The following HNRNPR variants were observed in gnomAD, a reference collection of about 807,000 sequenced individuals.
HNRNPR encodes heterogeneous nuclear ribonucleoprotein R.
In HNRNPR, 4 loss-of-function variants were observed where a neutral mutation model predicts 70.3. The ratio of observed to expected loss-of-function variants is 0.06; its 90% CI spans 0.03 to 0.13. The LOEUF (loss-of-function observed/expected upper bound fraction) is 0.13. HNRNPR is among the 10% of genes least tolerant of loss of function. The pLI, the probability that HNRNPR is intolerant of heterozygous loss-of-function variation, is 1.00. For missense variants in HNRNPR, 423 were observed against 788.5 expected (o/e 0.54, Z 5.55); for synonymous variants, 241 against 267.6 (o/e 0.90, Z 0.97).
rs1029665230 is a variant in HNRNPR, at chr1:23,338,613, A to G, written c.158-5T>C. On this transcript the variant is annotated splice_polypyrimidine_tract_variant and splice_region_variant and intron_variant, in intron 2 of 10. Coordinates refer to ENST00000302271, the MANE Select transcript of HNRNPR (RefSeq NM_005826.5). ...GATCGACATAAGCTACCAATCCTAA[A>G]AATTAAATTGAAAGGGGTAACGTTA... 1 of 1,492,538 alleles carries G rather than the reference A, an allele frequency of 6.7e-7. No homozygotes were observed. The highest frequency in any genetic ancestry group is 9.2e-7 in the Non-Finnish European group (1 of 1,085,490). The allele number at this position is 1,492,538 out of a possible 1,614,324, so 92.5% of individuals were successfully genotyped here. A position where few individuals can be genotyped will look rare whatever the true frequency, so the allele number is the denominator to read the frequency against.
rs575933529 is a variant in HNRNPR at position 23,318,850 on chromosome 1, G to C, written c.812-162C>G. ...ATTAGATCAACATAATTAGATATGGGGTTTGGGACAGTATTTGATGTTCCT... is the reference window on the plus strand; with the variant it reads ...ATTAGATCAACATAATTAGATATGGCGTTTGGGACAGTATTTGATGTTCCT... On this transcript the variant is annotated intron_variant, in intron 7 of 10. Transcript: ENST00000302271. This position sits in a 1 kb window ranked among gnomAD's most constrained non-coding sequence, Gnocchi z 4.2. 1.3e-5 allele frequency among the ~76,000 whole-genome samples: 2 copies of C among 152,222 alleles called. No homozygotes were observed. Among genetic ancestry groups the C allele is most frequent in the East Asian group, 3.9e-4 (2 of 5,184 alleles).
chr1:23,315,477 T>G (rs1645505279), intron 8 of HNRNPR, among the ~76,000 whole-genome samples: 1 of 151,954 alleles, frequency 6.6e-6, no homozygotes, highest in Admixed American at 6.6e-5. Context: ...GGATGGTGAA[T>G]AAACAAAAGG....
Position 23,340,980 on chromosome 1 carries a change from A to G in HNRNPR, c.29T>C (p.Val10Ala). 1 of 1,612,730 alleles carries G rather than the reference A, an allele frequency of 6.2e-7. No homozygotes were observed. Among genetic ancestry groups the G allele is most frequent in the Non-Finnish European group, 8.5e-7 (1 of 1,179,394 alleles). ...TGGTTCTTCCTCTTCTTTTAACTGT[A>G]CCGCATTACCATTCACCTGATTAGC... MANQVNGNA[V>A]QLKEEEEPMD... Residue 10 changes from valine (V) to alanine (A), a missense_variant, in exon 2 of 11, where the codon GTA becomes GCA. This residue lies in a region of HNRNPR where 44 missense variants were observed against 89.0 expected (regional missense o/e 0.49). Coordinates refer to ENST00000302271, the MANE Select transcript of HNRNPR (RefSeq NM_005826.5).
intron 1 of HNRNPR, among the ~76,000 whole-genome samples, chr1:23,343,995 G>T (rs1429790498): frequency 6.6e-6 from 1 of 152,158 alleles, no homozygotes; most frequent in East Asian, 1.9e-4. Flanking sequence ...CGGGCTAAAG[G>T]GGCGGGGGGA....
intron 4 of HNRNPR, among the ~76,000 whole-genome samples, chr1:23,335,844 G>A (rs555924472): frequency 7.7e-4 from 116 of 151,222 alleles, no homozygotes; most frequent in African/African-American, 2.5e-3. Context: ...ACAGCCGGGC[G>A]CGGTGGCTCA....
intron 7 of HNRNPR, among the ~76,000 whole-genome samples, chr1:23,319,085 C>T (rs1020304238): frequency 3.3e-5 from 5 of 152,176 alleles, no homozygotes; most frequent in African/African-American, 1.2e-4. Context: ...TTGAAGCTAA[C>T]TTAAAAGTTA....
At chr1:23,324,176 A>G (rs1645868530) in intron 5 of HNRNPR, among the ~76,000 whole-genome samples, 1 of 151,664 alleles carries the variant, frequency 6.6e-6, no homozygotes, top group South Asian at 2.1e-4. Flanking sequence ...ATTAATTTAT[A>G]AATTAAAAAT....
At position 23,333,932 on chromosome 1, in the gene HNRNPR, G is replaced by T. The variant is rs539660761; in HGVS notation, c.385-301C>A. Among the ~76,000 whole-genome samples the T allele has an allele frequency of 1.3e-3, 199 of 150,570 alleles. 3 individuals are homozygous for T. Among genetic ancestry groups the T allele is most frequent in the African/African-American group, 4.7e-3 (191 of 40,962 alleles). On this transcript the variant is annotated intron_variant, in intron 4 of 10. Transcript: ENST00000302271. ...CTACTGTCTTTTCTTCTTTTTTTTT[G>T]AGATGGAGTCTTGCTCTGTTGCCCA...
chr1:23,308,568 C>T lies in HNRNPR; in HGVS notation c.*1886G>A, dbSNP rs1367601739. 6.6e-6 allele frequency: 1 copy of T among 151,998 alleles called. No individual in the cohort carries two copies. The highest frequency in any genetic ancestry group is 2.4e-5 in the African/African-American group (1 of 41,424). The allele number at this position is 151,998 out of a possible 1,614,324, so 9.4% of individuals were successfully genotyped here. On this transcript the variant is annotated 3_prime_UTR_variant, in exon 11 of 11. Coordinates refer to ENST00000302271, the MANE Select transcript of HNRNPR (RefSeq NM_005826.5). Reference sequence around the variant, plus strand: ...AAGAAAAACAACTGGATCTGTCTTACCAAAGAAATACCCATGTTAACTCAA... The same window carrying T: ...AAGAAAAACAACTGGATCTGTCTTATCAAAGAAATACCCATGTTAACTCAA...
intron 8 of HNRNPR, among the ~76,000 whole-genome samples, chr1:23,316,369 C>G (rs527325598): frequency 6.6e-6 from 1 of 152,042 alleles, no homozygotes; most frequent in East Asian, 1.9e-4. Flanking sequence ...TTTATAGAGA[C>G]CTCCTTTTCA....
At chr1:23,321,751 C>T (rs924160339) in intron 6 of HNRNPR, 88 bp from the exon 7 acceptor site, 1 of 1,306,736 alleles carries the variant, frequency 7.7e-7, no homozygotes, top group African/African-American at 1.5e-5. Flanking sequence ...AATTTAAGGC[C>T]AAACGCTCCC....
rs1299735127 is a variant in HNRNPR, at chr1:23,310,864, C to G, written c.1492G>C (p.Ala498Pro). ...DPYYGYDDGY[A>P]VRGRGGGRGG... Reference sequence around the variant, plus strand: ...CTTCCTCCTCCTCTTCCTCTTACTGCATAGCCATCATCATAGCCGTAGTAG... The same window carrying G: ...CTTCCTCCTCCTCTTCCTCTTACTGGATAGCCATCATCATAGCCGTAGTAG... Residue 498 changes from alanine to proline, a missense_variant, in exon 11 of 11, where the codon GCA becomes CCA. Transcript: ENST00000302271. The surrounding 1 kb of genome is among the most constrained non-coding windows in gnomAD (Gnocchi z 6.0). 1 of 1,614,132 alleles carries G rather than the reference C, an allele frequency of 6.2e-7. No homozygotes were observed. Among genetic ancestry groups the G allele is most frequent in the Non-Finnish European group, 8.5e-7 (1 of 1,180,018 alleles).
rs886141383 is a variant in HNRNPR, at chr1:23,304,945, T to C, written c.*5509A>G. 3.9e-5 allele frequency: 6 copies of C among 152,196 alleles called. No individual in the cohort carries two copies. The highest frequency in any genetic ancestry group is 7.3e-5 in the Non-Finnish European group (5 of 68,028). The allele number at this position is 152,196 out of a possible 1,614,324, so 9.4% of individuals were successfully genotyped here. ...TACCTAACATTATAATGGGATTCAC[T>C]AAGTACAAGTCTACCTACATTATCG... On this transcript the variant is annotated 3_prime_UTR_variant, in exon 11 of 11. Transcript: ENST00000302271.
At position 23,311,080 on chromosome 1, in the gene HNRNPR, G is replaced by C. The variant is rs750005691; in HGVS notation, c.1290-14C>G. ...TAATCTTCATACCTAGCAAAGTAGA[G>C]AAGGGAGAAAAGAAAAAACAAATCA... On this transcript the variant is annotated splice_polypyrimidine_tract_variant and intron_variant, in intron 10 of 10. Transcript: ENST00000302271. 5 of 1,610,892 alleles carry C rather than the reference G, an allele frequency of 3.1e-6. No homozygotes were observed. Among genetic ancestry groups the C allele is most frequent in the Non-Finnish European group, 4.2e-6 (5 of 1,178,284 alleles).
Position 23,323,878 on chromosome 1 carries a change from A to G in HNRNPR, c.499-146T>C, listed in dbSNP as rs1389782940. Reference sequence around the variant, plus strand: ...AATCTGAAACTTACAGTTGACTTGCAGAGCTAATCCTAATTTTTATTATAA... The same window carrying G: ...AATCTGAAACTTACAGTTGACTTGCGGAGCTAATCCTAATTTTTATTATAA... On this transcript the variant is annotated intron_variant, in intron 5 of 10. Coordinates refer to ENST00000302271, the MANE Select transcript of HNRNPR (RefSeq NM_005826.5). 9.0e-6 allele frequency: 6 copies of G among 669,772 alleles called. No individual in the cohort carries two copies. In the Admixed American group the frequency reaches 1.7e-4, roughly 19 times the overall value. The allele number at this position is 669,772 out of a possible 1,614,324, so 41.5% of individuals were successfully genotyped here.
chr1:23,326,275 A>G (rs1200473344), intron 5 of HNRNPR, among the ~76,000 whole-genome samples: 1 of 152,146 alleles, frequency 6.6e-6, no homozygotes, highest in Non-Finnish European at 1.5e-5. Flanking sequence ...AAAGAGAAGT[A>G]GAAACAAGAC....
At chr1:23,335,266 C>T (rs1264488932) in intron 4 of HNRNPR, among the ~76,000 whole-genome samples, 1 of 152,194 alleles carries the variant, frequency 6.6e-6, no homozygotes, top group Admixed American at 6.5e-5. Context: ...CTTTAGATAT[C>T]ATCAAGTTCA....
At chr1:23,322,861 T>C (rs1168829756) in intron 6 of HNRNPR, among the ~76,000 whole-genome samples, 1 of 152,198 alleles carries the variant, frequency 6.6e-6, no homozygotes, top group Non-Finnish European at 1.5e-5. Context: ...CTGAGATAGC[T>C]GTGTCTTAAA....
rs1436840446 is a variant in HNRNPR, at chr1:23,336,607, G to A, written c.384+1147C>T. ...AAAAAAAAAAAAAAAAAAATTAGCT[G>A]GATGTGGTGGCGCACGCCTGTAGTC... On this transcript the variant is annotated intron_variant, in intron 4 of 10. Transcript: ENST00000302271. Among the ~76,000 whole-genome samples the A allele has an allele frequency of 3.5e-5, 5 of 143,914 alleles. No homozygotes were observed. The East Asian group carries it at 1.0e-3, about 29-fold the overall frequency. The allele number at this position is 143,914 out of a possible 152,430, so 94.4% of individuals were successfully genotyped here. A position where few individuals can be genotyped will look rare whatever the true frequency, so the allele number is the denominator to read the frequency against.
Sources: allele counts gnomAD v4.1 joint callset (sites outside exome capture counted in the v4.1 genomes callset), GRCh38; gene constraint gnomAD v4.1.1; regional missense constraint gnomAD v4.1.1; non-coding constraint Gnocchi (gnomAD v3.1); transcripts MANE v1.5; gene names NCBI Gene and HGNC (gene_info 2026-07-23, HGNC 2026-07-21).